The following CNTNAP2 variants were observed in gnomAD, a reference collection of about 807,000 sequenced individuals.
The protein encoded by CNTNAP2 is contactin associated protein 2.
A neutral mutation model predicts 155.2 loss-of-function variants in CNTNAP2; 98 were observed. The ratio of observed to expected loss-of-function variants is 0.63; its 90% confidence interval spans 0.54 to 0.75. The LOEUF is 0.75. Among genes scored for constraint, CNTNAP2 ranks in the 30% least tolerant of loss-of-function variants. The probability of loss-of-function intolerance (pLI) is 0.00; values close to 1 mark genes in which losing one functional copy is unlikely to be tolerated. For synonymous variants in CNTNAP2, 651 were observed against 631.2 expected, an observed-to-expected ratio of 1.03 and a Z score of -0.47; for missense variants, 1,727 against 1,688.1, an observed-to-expected ratio of 1.02 and a Z score of -0.40.
rs142803575 is a variant in CNTNAP2 at position 147,383,619 on chromosome 7, G to A, written c.1499-11990G>A. On this transcript the variant is annotated intron_variant, in intron 9 of 23. Coordinates refer to ENST00000361727, the MANE Select transcript of CNTNAP2 (RefSeq NM_014141.6). The stretch of plus-strand genomic sequence containing the variant: ...GGAACACCACGCACCGGGGCCTGTC[G>A]GGGTGGGGAGCAAGGGGAGGGGAGA... Among the ~76,000 whole-genome samples the A allele has an allele frequency of 1.7e-3, 257 of 152,132 alleles. 1 individual carries two copies. The highest frequency in any genetic ancestry group is 5.6e-3 in the African/African-American group (234 of 41,508).
intron 13 of CNTNAP2, among the ~76,000 whole-genome samples, chr7:147,832,314 T>C (rs940948974): frequency 3.4e-5 from 5 of 146,484 alleles, no homozygotes; most frequent in Non-Finnish European, 6.0e-5. Flanking sequence ...TATTATATAA[T>C]ATAGATCCAT....
chr7:146,992,354 G>A (rs1798223986), intron 3 of CNTNAP2, among the ~76,000 whole-genome samples: 1 of 151,524 alleles, frequency 6.6e-6, no homozygotes, highest in South Asian at 2.1e-4. Context: ...ACATATTGTT[G>A]TAGGACTTTC....
chr7:148,090,693 C>T (rs1029956453), intron 15 of CNTNAP2, among the ~76,000 whole-genome samples: 3 of 151,926 alleles, frequency 2.0e-5, no homozygotes, highest in Non-Finnish European at 2.9e-5. Context: ...TATGGAGGTT[C>T]CTCAAAAAAT....
At chr7:147,638,856 T>G (rs1161534015) in intron 12 of CNTNAP2, 1 of 616,506 alleles carries the variant, frequency 1.6e-6, no homozygotes, top group South Asian at 1.7e-5. Context: ...TTTTTTTTTC[T>G]TTTTTTGCCT....
chr7:148,179,657 G>C (rs1319049719), intron 18 of CNTNAP2, among the ~76,000 whole-genome samples: 1 of 150,160 alleles, frequency 6.7e-6, no homozygotes, highest in Non-Finnish European at 1.5e-5. Context: ...GTGAGAAAGA[G>C]AGAGAACAAG....
At chr7:147,320,657 C>T (rs184562460) in intron 9 of CNTNAP2, among the ~76,000 whole-genome samples, 2 of 152,108 alleles carry the variant, frequency 1.3e-5, no homozygotes, top group African/African-American at 4.8e-5. Context: ...GAAATACACT[C>T]CTCTTATGAA....
At chr7:148,339,974 AGTGTGTGTGTGTGTGTGT>A (rs10603520) in intron 21 of CNTNAP2, among the ~76,000 whole-genome samples, 18 of 144,884 alleles carry the variant, frequency 1.2e-4, no homozygotes, top group South Asian at 4.6e-4. Flanking sequence ...TCCTTCGTGC[AGTGTGTGTGTGTGTGTGT>A]GTGTGTGTGT....
At chr7:146,458,060 G>A (rs73462737) in intron 1 of CNTNAP2, among the ~76,000 whole-genome samples, 4,144 of 152,096 alleles carry the variant, frequency 0.027, 138 homozygotes, top group African/African-American at 0.073. Context: ...GGAACAGAAA[G>A]CCAAACACCT....
intron 13 of CNTNAP2, among the ~76,000 whole-genome samples, chr7:147,758,815 A>T (rs894161131): frequency 4.6e-5 from 7 of 152,210 alleles, no homozygotes; most frequent in Non-Finnish European, 7.3e-5. Flanking sequence ...ACTGTACTCC[A>T]GCCTGGGTAA....
chr7:147,060,002 AAACCT>A (rs1420340250), intron 4 of CNTNAP2, among the ~76,000 whole-genome samples: 2 of 152,170 alleles, frequency 1.3e-5, no homozygotes, highest in African/African-American at 4.8e-5. Flanking sequence ...TCCTTATTTA[AAACCT>A]CACGATACTG....
intron 10 of CNTNAP2, among the ~76,000 whole-genome samples, chr7:147,430,136 C>T (rs1369664503): frequency 6.6e-6 from 1 of 152,138 alleles, no homozygotes; most frequent in African/African-American, 2.4e-5. Flanking sequence ...GTGTCAGAAA[C>T]ATGAATCTAT....
Position 146,616,555 on chromosome 7 carries a change from G to A in CNTNAP2, c.98-157716G>A, listed in dbSNP as rs1799227766. Reference sequence around the variant, plus strand: ...AGATGGTTGGTGTTTCTGAGATTTGGTTTATTACTCATTATCCAATAAACC... The same window carrying A: ...AGATGGTTGGTGTTTCTGAGATTTGATTTATTACTCATTATCCAATAAACC... On this transcript the variant is annotated intron_variant, in intron 1 of 23. Transcript: ENST00000361727. Among the ~76,000 whole-genome samples the A allele has an allele frequency of 2.0e-5, 3 of 151,952 alleles. No homozygotes were observed. In the South Asian group the frequency reaches 6.2e-4, roughly 32 times the overall value.
intron 1 of CNTNAP2, among the ~76,000 whole-genome samples, chr7:146,637,073 C>T (rs1799611922): frequency 1.3e-5 from 2 of 152,012 alleles, no homozygotes; most frequent in African/African-American, 4.8e-5. Context: ...AAATAAAAAC[C>T]TTGAGAGAAA....
At chr7:146,712,891 T>C (rs1801123381) in intron 1 of CNTNAP2, among the ~76,000 whole-genome samples, 1 of 151,986 alleles carries the variant, frequency 6.6e-6, no homozygotes, top group African/African-American at 2.4e-5. Context: ...TTTTGCCTTA[T>C]ATTTTTCTAT....
intron 15 of CNTNAP2, among the ~76,000 whole-genome samples, chr7:148,054,533 C>T (rs571835439): frequency 7.2e-6 from 1 of 139,326 alleles, no homozygotes; most frequent in African/African-American, 2.7e-5. Context: ...GAGTGCTAGG[C>T]ATTCTGGGTT....
chr7:146,267,366 T>G (rs908176241), intron 1 of CNTNAP2, among the ~76,000 whole-genome samples: 4 of 152,206 alleles, frequency 2.6e-5, no homozygotes, highest in African/African-American at 7.2e-5. Flanking sequence ...TTTCTGTATT[T>G]ACGTAGTCTT....
chr7:147,206,279 G>C (rs1333677430), intron 8 of CNTNAP2, among the ~76,000 whole-genome samples: 15 of 133,066 alleles, frequency 1.1e-4, no homozygotes, highest in Non-Finnish European at 3.3e-5. Flanking sequence ...AAAAAAAAAA[G>C]TAGGACCAGG....
At chr7:146,618,330 A>C (rs1799261662) in intron 1 of CNTNAP2, among the ~76,000 whole-genome samples, 1 of 152,160 alleles carries the variant, frequency 6.6e-6, no homozygotes, top group African/African-American at 2.4e-5. Flanking sequence ...ATCTCAAACT[A>C]CTCACCAGTT....
chr7:147,437,446 T>C (rs957176847), intron 10 of CNTNAP2, among the ~76,000 whole-genome samples: 1 of 152,154 alleles, frequency 6.6e-6, no homozygotes, highest in Non-Finnish European at 1.5e-5. Flanking sequence ...TTTTAGATTC[T>C]AATATTCCAG....
Sources: allele counts gnomAD v4.1 joint callset (sites outside exome capture counted in the v4.1 genomes callset), GRCh38; gene constraint gnomAD v4.1.1; transcripts MANE v1.5; gene names NCBI Gene and HGNC (gene_info 2026-07-23, HGNC 2026-07-21).